TENM2: variants seen among roughly 807,000 people sequenced by gnomAD.
TENM2 encodes the protein teneurin transmembrane protein 2.
TENM2 carries 52 observed loss-of-function variants against 245.2 expected under a neutral mutation model. That is an observed-to-expected ratio of 0.21 (90% CI 0.17 to 0.27). TENM2 has a LOEUF of 0.27. TENM2 is among the 10% of genes least tolerant of loss of function. The pLI is 1.00. For synonymous variants in TENM2, 1,363 were observed against 1,438.9 expected, an observed-to-expected ratio of 0.95 and a Z score of 1.19; for missense variants, 3,046 against 3,666.8, an observed-to-expected ratio of 0.83 and a Z score of 4.37.
intron 6 of TENM2, among the ~76,000 whole-genome samples, chr5:168,049,901 C>G (rs943943930): frequency 2.0e-5 from 3 of 152,198 alleles, no homozygotes; most frequent in Admixed American, 6.5e-5. Flanking sequence ...CTCCCCGGTT[C>G]AAGCAATTCT....
chr5:167,109,642 T>C, the TENM2 span, among the ~76,000 whole-genome samples: 1 of 150,814 alleles, frequency 6.6e-6, no homozygotes, highest in Non-Finnish European at 1.5e-5. Context: ...TTCATCCTAA[T>C]GATAAAAGTG....
At chr5:168,171,826 G>A (rs183042310) in intron 13 of TENM2, among the ~76,000 whole-genome samples, 54 of 152,280 alleles carry the variant, frequency 3.5e-4, no homozygotes, top group Admixed American at 3.3e-3. Context: ...GGATGAAAAC[G>A]CAGATTTCAC....
At chr5:167,354,456 T>G (rs2127236714) in intron 1 of TENM2, among the ~76,000 whole-genome samples, 1 of 150,822 alleles carries the variant, frequency 6.6e-6, no homozygotes, top group African/African-American at 2.4e-5. Context: ...TGTTTGCCCT[T>G]TTTCTATATA....
chr5:167,358,840 CA>C lies in TENM2; in HGVS notation c.227-16357del, dbSNP rs879352115. Reference sequence around the variant, plus strand: ...ACACACACACACACACACACACACACACACACACACACCCTGCTGTTTTTAC... The same window carrying C: ...ACACACACACACACACACACACACACCACACACACACCCTGCTGTTTTTAC... On this transcript the variant is annotated intron_variant, in intron 1 of 28. Transcript: ENST00000518659. Among the ~76,000 whole-genome samples, 370 of 122,806 alleles carry C rather than the reference CA, an allele frequency of 3.0e-3. 1 individual carries two copies. Among genetic ancestry groups the C allele is most frequent in the Non-Finnish European group, 5.1e-3 (278 of 54,072 alleles). The allele number at this position is 122,806 out of a possible 152,430, so 80.6% of individuals were successfully genotyped here. A position where few individuals can be genotyped will look rare whatever the true frequency, so the allele number is the denominator to read the frequency against.
At chr5:167,304,684 CT>C (rs1320865045) in intron 1 of TENM2, among the ~76,000 whole-genome samples, 1 of 151,634 alleles carries the variant, frequency 6.6e-6, no homozygotes, top group Non-Finnish European at 1.5e-5. Context: ...TTTAGTAAAC[CT>C]TTCATTTTAG....
intron 2 of TENM2, among the ~76,000 whole-genome samples, chr5:167,745,314 G>A (rs1761481704): frequency 6.6e-6 from 1 of 152,226 alleles, no homozygotes; most frequent in Non-Finnish European, 1.5e-5. Context: ...GTGCTGCGAA[G>A]ACAGCAATGT....
At position 168,262,436 on chromosome 5, in the gene TENM2, G is replaced by A. The variant is rs201534550; in HGVS notation, c.7951G>A (p.Val2651Met). ...GCTAGAGAGCGGGGTGAACGTGACC[G>A]TGTCCCAGCCCACGCTGCTGGTCAA... Residue 2651 changes from valine (V) to methionine (M), a missense_variant, in exon 29 of 29, where the codon GTG (valine) becomes ATG (methionine). Val to Met is a conservative substitution (Grantham distance 21, BLOSUM62 1). Around this residue, in one of 2 missense-constraint regions of TENM2, gnomAD observed 2,704 missense variants for 3,331.9 expected, o/e 0.81. Transcript: ENST00000518659. 250 of 1,574,898 alleles carry A rather than the reference G, an allele frequency of 1.6e-4. No homozygotes were observed. The highest frequency in any genetic ancestry group is 6.6e-4 in the Middle Eastern group (4 of 6,034).
chr5:168,164,569 GAGA>G (rs1758047913), intron 13 of TENM2, among the ~76,000 whole-genome samples: 2 of 152,242 alleles, frequency 1.3e-5, no homozygotes, highest in East Asian at 3.9e-4. Context: ...CCCTTTACAG[GAGA>G]AGTTTTCTGT....
chr5:167,424,342 C>T (rs1392035810), intron 2 of TENM2, among the ~76,000 whole-genome samples: 2 of 152,076 alleles, frequency 1.3e-5, no homozygotes, highest in Non-Finnish European at 2.9e-5. Context: ...CACACACATT[C>T]AGAAATTGTG....
At chr5:167,807,154 A>AAG (rs1766257924) in intron 2 of TENM2, among the ~76,000 whole-genome samples, 1 of 142,458 alleles carries the variant, frequency 7.0e-6, no homozygotes, top group African/African-American at 2.6e-5. Flanking sequence ...AAAAAAAAAA[A>AAG]AAGAAGAAGA....
intron 3 of TENM2, chr5:167,948,937 G>A (rs894401338): frequency 2.6e-5 from 4 of 152,110 alleles, no homozygotes; most frequent in African/African-American, 7.2e-5. Flanking sequence ...AAAGCAAGAG[G>A]GCATGTTGTC....
intron 1 of TENM2, among the ~76,000 whole-genome samples, chr5:167,332,557 T>A (rs1191876460): frequency 6.6e-6 from 1 of 152,194 alleles, no homozygotes; most frequent in Admixed American, 6.5e-5. Context: ...CATGTTTGTT[T>A]GGCAGTGGAC....
In TENM2 at chr5:167,702,600, T is replaced by G. The variant is rs116195518; in HGVS notation, c.503-173386T>G. 6.7e-3 allele frequency among the ~76,000 whole-genome samples: 983 copies of G among 146,040 alleles called. 12 individuals carry two copies. The highest frequency in any genetic ancestry group is 0.024 in the African/African-American group (932 of 38,142). ...TATATATATATATTTCTTTACATAGTAAAAGTTTTCCCAAGAACTGCTGTG... is the reference window on the plus strand; with the variant it reads ...TATATATATATATTTCTTTACATAGGAAAAGTTTTCCCAAGAACTGCTGTG... On this transcript the variant is annotated intron_variant, in intron 2 of 28. Transcript: ENST00000518659.
chr5:167,441,684 A>G (rs1204877831), intron 2 of TENM2, among the ~76,000 whole-genome samples: 1 of 152,214 alleles, frequency 6.6e-6, no homozygotes, highest in Non-Finnish European at 1.5e-5. Context: ...TTGGATGGAA[A>G]TGAGAGGAAG....
At chr5:167,474,519 C>CTT (rs35361317) in intron 2 of TENM2, among the ~76,000 whole-genome samples, 104,429 of 147,436 alleles carry the variant, frequency 0.71, 37,131 homozygotes, top group Non-Finnish European at 0.75. Flanking sequence ...AATAAGTAGA[C>CTT]TTTTTTTTTT....
In TENM2 at chr5:168,218,493, T is replaced by A; in HGVS notation, c.4602T>A (p.Asp1534Glu). 1 of 1,614,056 alleles carries A rather than the reference T, an allele frequency of 6.2e-7. No homozygotes were observed. The change falls in exon 23 of 29, where the codon GAT becomes GAA. Residue 1534 changes from aspartate (D) to glutamate (E), a missense_variant. Physicochemically the swap from Asp to Glu is conservative, Grantham distance 45 (BLOSUM62 2). This residue lies in a region of TENM2 where 2,704 missense variants were observed against 3,331.9 expected (regional missense o/e 0.81). Transcript: ENST00000518659. The surrounding 1 kb of genome is among the most constrained non-coding windows in gnomAD (Gnocchi z 5.2). ...TCAATTGCAACTGCTATTCAGGAGATGATGCCTACGCGACTGATGCCATCT... is the reference window on the plus strand; with the variant it reads ...TCAATTGCAACTGCTATTCAGGAGAAGATGCCTACGCGACTGATGCCATCT...
At chr5:168,192,091 G>A (rs907278841) in intron 14 of TENM2, among the ~76,000 whole-genome samples, 9 of 152,082 alleles carry the variant, frequency 5.9e-5, no homozygotes, top group African/African-American at 9.7e-5. Flanking sequence ...TGTTGGGCTC[G>A]TAAACCTCAT....
At chr5:167,409,453 G>GGAA (rs1762798371) in intron 2 of TENM2, among the ~76,000 whole-genome samples, 2 of 151,728 alleles carry the variant, frequency 1.3e-5, no homozygotes, top group South Asian at 4.1e-4. Context: ...AATAACATAG[G>GGAA]GAAGTACTCA....
At chr5:168,256,427 CTT>C (rs564590839) in intron 27 of TENM2, among the ~76,000 whole-genome samples, 6 of 133,778 alleles carry the variant, frequency 4.5e-5, no homozygotes, top group Non-Finnish European at 3.1e-5. Context: ...AACTTGTATT[CTT>C]TTTTTTTTTT....
Sources: allele counts gnomAD v4.1 joint callset (sites outside exome capture counted in the v4.1 genomes callset), GRCh38; gene constraint gnomAD v4.1.1; regional missense constraint gnomAD v4.1.1; non-coding constraint Gnocchi (gnomAD v3.1); transcripts MANE v1.5; gene names NCBI Gene and HGNC (gene_info 2026-07-23, HGNC 2026-07-21).